Variants in CADM2 observed in about 807,000 individuals in gnomAD.
The protein encoded by CADM2 is immunoglobulin superfamily member 4D.
A neutral mutation model predicts 49.8 loss-of-function variants in CADM2; 12 were observed. The ratio of observed to expected loss-of-function variants is 0.24; its 90% confidence interval spans 0.15 to 0.39. The LOEUF is 0.39. Ranked by LOEUF, CADM2 falls within the 10% of genes least tolerant of loss-of-function variation. The pLI, the probability that CADM2 is intolerant of heterozygous loss-of-function variation, is 1.00. For synonymous variants in CADM2, 214 were observed against 175.4 expected (o/e 1.22, Z -1.74); for missense variants, 378 against 492.3 (o/e 0.77, Z 2.20).
intron 8 of CADM2, among the ~76,000 whole-genome samples, chr3:85,989,990 C>G (rs552743448): frequency 2.5e-5 from 2 of 81,092 alleles, no homozygotes; most frequent in East Asian, 8.1e-4. Context: ...CCAGCCTGGG[C>G]GACAAGAGAG....
At chr3:85,406,841 T>C (rs2035402813) in intron 1 of CADM2, among the ~76,000 whole-genome samples, 1 of 152,148 alleles carries the variant, frequency 6.6e-6, no homozygotes, top group South Asian at 2.1e-4. Flanking sequence ...ACAGTATTTC[T>C]ATGCCACTTT....
chr3:86,063,943 A>G (rs1352702140), intron 8 of CADM2, among the ~76,000 whole-genome samples: 2 of 152,122 alleles, frequency 1.3e-5, no homozygotes, highest in South Asian at 2.1e-4. Flanking sequence ...TTTATTGCCC[A>G]GGTCTTCACT....
chr3:85,746,848 A>G (rs1380666706), intron 2 of CADM2, among the ~76,000 whole-genome samples: 1 of 151,592 alleles, frequency 6.6e-6, no homozygotes, highest in African/African-American at 2.4e-5. Context: ...TTATCTCCCC[A>G]CCTCCATCAT....
At chr3:85,532,084 G>T (rs1190252630) in intron 1 of CADM2, among the ~76,000 whole-genome samples, 1 of 152,184 alleles carries the variant, frequency 6.6e-6, no homozygotes, top group Non-Finnish European at 1.5e-5. Context: ...GGCTGAGGCA[G>T]GAGAATGGCG....
intron 1 of CADM2, among the ~76,000 whole-genome samples, chr3:85,417,213 A>T (rs1330731507): frequency 1.3e-5 from 2 of 152,148 alleles, no homozygotes; most frequent in African/African-American, 4.8e-5. Context: ...GCTATTTCTT[A>T]TTGCATAGAG....
At chr3:85,760,457 AATAAGGT>A (rs1326573969) in intron 2 of CADM2, among the ~76,000 whole-genome samples, 1 of 152,168 alleles carries the variant, frequency 6.6e-6, no homozygotes, top group Non-Finnish European at 1.5e-5. Flanking sequence ...TAAAGGAAAA[AATAAGGT>A]ATTTGTCCAC....
At chr3:85,576,272 C>T (rs755088704) in intron 1 of CADM2, among the ~76,000 whole-genome samples, 2 of 152,106 alleles carry the variant, frequency 1.3e-5, no homozygotes, top group Admixed American at 6.6e-5. Flanking sequence ...GGCAAGGCTG[C>T]CATCTAGTGG....
chr3:85,474,545 T>G (rs1014995791), intron 1 of CADM2, among the ~76,000 whole-genome samples: 1 of 151,930 alleles, frequency 6.6e-6, no homozygotes, highest in Non-Finnish European at 1.5e-5. Context: ...GCAGCCAAGT[T>G]GACACATACA....
intron 2 of CADM2, among the ~76,000 whole-genome samples, chr3:85,731,993 A>T (rs906936736): frequency 6.6e-6 from 1 of 150,876 alleles, no homozygotes; most frequent in Non-Finnish European, 1.5e-5. Context: ...CACACCTGTG[A>T]TCCCAGCAGT....
At chr3:85,060,082 C>T (rs927976873) in intron 1 of CADM2, among the ~76,000 whole-genome samples, 8 of 152,118 alleles carry the variant, frequency 5.3e-5, no homozygotes, top group African/African-American at 7.2e-5. Flanking sequence ...AAAGATCCCA[C>T]TTAAATATGC....
In CADM2 at chr3:85,912,275, G is replaced by A. The variant is rs948176279; in HGVS notation, c.530-98G>A. On this transcript the variant is annotated intron_variant, in intron 5 of 9. Coordinates refer to ENST00000383699, the MANE Select transcript of CADM2 (RefSeq NM_001167675.2). ...CACAAATATTTGCTTCTTAAAAATT[G>A]ATAAAAATAGGGAGAAGCTGTTTCC... 6.2e-6 allele frequency: 5 copies of A among 809,054 alleles called. No individual in the cohort carries two copies. The African/African-American group carries it at 7.1e-5, about 11-fold the overall frequency. The allele number at this position is 809,054 out of a possible 1,614,324, so 50.1% of individuals were successfully genotyped here.
intron 2 of CADM2, among the ~76,000 whole-genome samples, chr3:85,730,231 C>G (rs1365383328): frequency 6.6e-6 from 1 of 152,008 alleles, no homozygotes; most frequent in Non-Finnish European, 1.5e-5. Flanking sequence ...CACTTGAGGT[C>G]AGGAATTTGA....
chr3:85,496,914 G>A (rs1576658922), intron 1 of CADM2, among the ~76,000 whole-genome samples: 1 of 152,120 alleles, frequency 6.6e-6, no homozygotes, highest in Admixed American at 6.5e-5. Context: ...CGCCATCTCG[G>A]CTCACTGCAA....
chr3:85,058,875 AAC>A (rs1456921387), intron 1 of CADM2, among the ~76,000 whole-genome samples: 2 of 152,036 alleles, frequency 1.3e-5, no homozygotes, highest in Non-Finnish European at 1.5e-5. Flanking sequence ...ATTTATATAT[AAC>A]ACAGAAAAAT....
In CADM2 at chr3:85,969,050, C is replaced by T. The variant is rs192170547; in HGVS notation, c.970+7403C>T. Among the ~76,000 whole-genome samples, 181 of 151,644 alleles carry T rather than the reference C, an allele frequency of 1.2e-3. 1 individual carries two copies. Among genetic ancestry groups the T allele is most frequent in the African/African-American group, 4.0e-3 (166 of 41,460 alleles). On this transcript the variant is annotated intron_variant, in intron 8 of 9. Coordinates refer to ENST00000383699, the MANE Select transcript of CADM2 (RefSeq NM_001167675.2). ...CCAAATCACATTCCCAAAGTGGGCA[C>T]TTCTCTCCATCATCCTCTCTGGCTT...
At chr3:85,697,081 TGCC>T in intron 1 of CADM2, among the ~76,000 whole-genome samples, 1 of 145,374 alleles carries the variant, frequency 6.9e-6, no homozygotes. Flanking sequence ...TATATATATA[TGCC>T]ATATATATAT....
intron 1 of CADM2, among the ~76,000 whole-genome samples, chr3:85,071,182 A>G: frequency 6.6e-6 from 1 of 152,124 alleles, no homozygotes; most frequent in Admixed American, 6.6e-5. Flanking sequence ...TGATTATTTA[A>G]AAGTAAAGTA....
intron 1 of CADM2, among the ~76,000 whole-genome samples, chr3:84,983,167 A>G (rs1208410293): frequency 2.0e-5 from 3 of 152,126 alleles, no homozygotes; most frequent in East Asian, 1.9e-4. Flanking sequence ...TGGATATTTC[A>G]TTTTGCAATG....
chr3:84,998,454 C>G (rs943751566), intron 1 of CADM2, among the ~76,000 whole-genome samples: 1 of 152,046 alleles, frequency 6.6e-6, no homozygotes, highest in Non-Finnish European at 1.5e-5. Flanking sequence ...AAGTACAGAA[C>G]TGAAAGAAAA....
Sources: gnomAD v4.1 joint callset for allele counts (sites outside exome capture counted in the v4.1 genomes callset) on GRCh38, gnomAD v4.1.1 for gene constraint, MANE v1.5 for transcripts, NCBI Gene and HGNC (gene_info 2026-07-23, HGNC 2026-07-21) for gene names.